Variants in SUSD6 observed in about 807,000 individuals in gnomAD.
The protein encoded by SUSD6 is sushi domain containing 6.
SUSD6 carries 16 observed loss-of-function variants against 28.4 expected under a neutral mutation model. The ratio of observed to expected loss-of-function variants is 0.56; its 90% CI spans 0.38 to 0.86. The LOEUF (loss-of-function observed/expected upper bound fraction) is 0.86, where lower values mean the gene tolerates loss of function less well. Ranked by LOEUF, SUSD6 falls within the 40% of genes least tolerant of loss-of-function variation. The pLI, the probability that SUSD6 is intolerant of heterozygous loss-of-function variation, is 0.00. For synonymous variants in SUSD6, 147 were observed against 159.6 expected, an observed-to-expected ratio of 0.92 and a Z score of 0.59; for missense variants, 341 against 384.2, an observed-to-expected ratio of 0.89 and a Z score of 0.94.
intron 1 of SUSD6, among the ~76,000 whole-genome samples, chr14:69,613,832 A>G (rs1310105800): frequency 6.6e-6 from 1 of 152,202 alleles, no homozygotes; most frequent in Admixed American, 6.5e-5. Context: ...CTAGATAGAG[A>G]CAGGTGCCAG....
intron 1 of SUSD6, among the ~76,000 whole-genome samples, chr14:69,639,277 G>A (rs538994591): frequency 4.5e-5 from 6 of 133,038 alleles, no homozygotes; most frequent in Non-Finnish European, 6.1e-5. Flanking sequence ...GCAGTGAGCC[G>A]GGATCCAGCC....
intron 2 of SUSD6, among the ~76,000 whole-genome samples, chr14:69,693,346 C>T (rs1259686726): frequency 6.6e-6 from 1 of 152,040 alleles, no homozygotes; most frequent in African/African-American, 2.4e-5. Flanking sequence ...GCTGCAAGAA[C>T]AAGAGGAGGT....
intron 2 of SUSD6, among the ~76,000 whole-genome samples, chr14:69,680,732 C>T (rs1885986323): frequency 1.3e-5 from 2 of 152,158 alleles, no homozygotes; most frequent in African/African-American, 2.4e-5. Context: ...CAAAGCCTTG[C>T]TTATGCTGTT....
intron 1 of SUSD6, among the ~76,000 whole-genome samples, chr14:69,646,868 AT>A (rs1176263554): frequency 6.6e-6 from 1 of 151,650 alleles, no homozygotes; most frequent in Non-Finnish European, 1.5e-5. Flanking sequence ...TGCCCGGCTA[AT>A]TTTTTGTATT....
At chr14:69,693,418 C>T (rs1197485009) in intron 2 of SUSD6, among the ~76,000 whole-genome samples, 3 of 152,004 alleles carry the variant, frequency 2.0e-5, no homozygotes, top group Non-Finnish European at 2.9e-5. Context: ...GCTGTATTGT[C>T]GAGAACGGGA....
intron 2 of SUSD6, among the ~76,000 whole-genome samples, chr14:69,688,403 C>T (rs138031728): frequency 1.4e-4 from 22 of 152,330 alleles, no homozygotes; most frequent in African/African-American, 5.3e-4. Context: ...CATGCAGGCA[C>T]AATGGGACCC....
intron 1 of SUSD6, among the ~76,000 whole-genome samples, chr14:69,634,370 A>G (rs1000520165): frequency 6.6e-6 from 1 of 152,252 alleles, no homozygotes; most frequent in African/African-American, 2.4e-5. Context: ...TTGCAAATAC[A>G]AACATTTTCT....
intron 2 of SUSD6, 82 bp downstream of exon 2, chr14:69,658,795 C>T (rs1885622129): frequency 5.7e-6 from 9 of 1,574,956 alleles, no homozygotes; most frequent in African/African-American, 5.4e-5. Flanking sequence ...ACAGGGGACT[C>T]TCCTCCTGGC....
intron 2 of SUSD6, among the ~76,000 whole-genome samples, chr14:69,669,014 C>A (rs1190011686): frequency 4.0e-5 from 6 of 148,924 alleles, no homozygotes; most frequent in African/African-American, 1.5e-4. Context: ...AAAAAAATCT[C>A]TTTTTTAATG....
chr14:69,659,264 T>C (rs1595045441), intron 2 of SUSD6, among the ~76,000 whole-genome samples: 1 of 152,232 alleles, frequency 6.6e-6, no homozygotes, highest in African/African-American at 2.4e-5. Context: ...GTTGAAGTAT[T>C]GTAATTTAGT....
At chr14:69,647,550 G>C (rs145855830) in intron 1 of SUSD6, among the ~76,000 whole-genome samples, 4 of 152,208 alleles carry the variant, frequency 2.6e-5, no homozygotes, top group African/African-American at 9.6e-5. Context: ...CTCACTAATG[G>C]ATGTCCTAAT....
intron 1 of SUSD6, among the ~76,000 whole-genome samples, chr14:69,656,329 A>T (rs1305898052): frequency 1.3e-5 from 2 of 152,134 alleles, no homozygotes; most frequent in Non-Finnish European, 2.9e-5. Context: ...AATATTTTTT[A>T]TACACGTGCT....
intron 1 of SUSD6, among the ~76,000 whole-genome samples, chr14:69,649,884 G>A (rs1885478823): frequency 6.6e-6 from 1 of 152,204 alleles, no homozygotes; most frequent in Non-Finnish European, 1.5e-5. Context: ...GAAGCAGGAG[G>A]AGGAAAGACT....
chr14:69,616,539 C>T (rs369412140), intron 1 of SUSD6, among the ~76,000 whole-genome samples: 91 of 152,232 alleles, frequency 6.0e-4, no homozygotes, highest in East Asian at 1.3e-3. Context: ...ACTAAGTGGA[C>T]GGAGGCTTGT....
intron 1 of SUSD6, among the ~76,000 whole-genome samples, chr14:69,626,093 T>C (rs979604540): frequency 1.3e-5 from 2 of 152,180 alleles, no homozygotes; most frequent in Non-Finnish European, 1.5e-5. Context: ...GCTCCTCTTC[T>C]GTGTATTTGC....
In SUSD6 at chr14:69,703,476, G is replaced by A. The variant is rs1316932031; in HGVS notation, c.203G>A (p.Ser68Asn). ...RPCRDPLTAG[S>N]VIEYLCAEGY... ...TGCAGAGACCCCCTGACAGCAGGCA[G>A]TGTCATCGAATACCTGTGTGCTGAA... Residue 68 changes from serine to asparagine, a missense_variant, in exon 3 of 6, where the codon AGT becomes AAT. By Grantham distance (46) the Ser-to-Asn change is conservative (BLOSUM62 1). Transcript: ENST00000342745. 6.2e-7 allele frequency: 1 copy of A among 1,614,160 alleles called. No homozygotes were observed. The highest frequency in any genetic ancestry group is 1.7e-5 in the Admixed American group (1 of 60,024).
At position 69,667,329 on chromosome 14, in the gene SUSD6, A is replaced by G. The variant is rs539354832; in HGVS notation, c.121+8616A>G. Reference sequence around the variant, plus strand: ...TGGAGTCTTCAGCCAGTGCAGCCCCACTAAGGCTCCTTGATAACTGTGCAT... The same window carrying G: ...TGGAGTCTTCAGCCAGTGCAGCCCCGCTAAGGCTCCTTGATAACTGTGCAT... On this transcript the variant is annotated intron_variant, in intron 2 of 5. Transcript: ENST00000342745. Among the ~76,000 whole-genome samples, 81 of 148,886 alleles carry G rather than the reference A, an allele frequency of 5.4e-4. 1 individual carries two copies. The South Asian group carries it at 6.2e-3, about 11-fold the overall frequency.
At chr14:69,641,787 A>T (rs1241699669) in intron 1 of SUSD6, among the ~76,000 whole-genome samples, 2 of 148,336 alleles carry the variant, frequency 1.3e-5, no homozygotes, top group Non-Finnish European at 3.0e-5. Context: ...TTTTGTAGAG[A>T]GGAGGGGGGG....
intron 1 of SUSD6, among the ~76,000 whole-genome samples, chr14:69,657,963 G>T (rs115041148): frequency 1.3e-5 from 2 of 152,312 alleles, no homozygotes; most frequent in African/African-American, 4.8e-5. Context: ...TGTTGGGTGA[G>T]CCTTGATTAA....
Sources: gnomAD v4.1 joint callset for allele counts (sites outside exome capture counted in the v4.1 genomes callset) on GRCh38, gnomAD v4.1.1 for gene constraint, MANE v1.5 for transcripts, NCBI Gene and HGNC (gene_info 2026-07-23, HGNC 2026-07-21) for gene names.